Variants in SH3GL3 observed in about 807,000 individuals in gnomAD.
SH3GL3 encodes SH3 domain containing GRB2 like 3, endophilin A3, also known as endophilin-A3.
A neutral mutation model predicts 47.7 loss-of-function variants in SH3GL3; 33 were observed. The ratio of observed to expected loss-of-function variants is 0.69; its 90% CI spans 0.52 to 0.92. SH3GL3 has a LOEUF of 0.92. SH3GL3 is among the 40% of genes least tolerant of loss of function. SH3GL3 has a pLI of 0.00. For missense variants in SH3GL3, 363 were observed against 417.8 expected, an observed-to-expected ratio of 0.87 and a Z score of 1.14; for synonymous variants, 155 against 148.8, an observed-to-expected ratio of 1.04 and a Z score of -0.30.
intron 6 of SH3GL3, among the ~76,000 whole-genome samples, chr15:83,584,066 C>T (rs2059900182): frequency 1.3e-5 from 2 of 152,192 alleles, no homozygotes; most frequent in Admixed American, 1.3e-4. Flanking sequence ...TGTCTTCCAG[C>T]CTAGAGTCCT....
At chr15:83,532,034 A>T (rs1052952363) in intron 1 of SH3GL3, among the ~76,000 whole-genome samples, 11 of 152,174 alleles carry the variant, frequency 7.2e-5, no homozygotes, top group Non-Finnish European at 1.3e-4. Flanking sequence ...AAAACATCTG[A>T]ATTCTATATA....
intron 1 of SH3GL3, among the ~76,000 whole-genome samples, chr15:83,529,585 G>T (rs2043575781): frequency 6.6e-6 from 1 of 152,092 alleles, no homozygotes; most frequent in Admixed American, 6.5e-5. Context: ...GCCAGGCTAG[G>T]TGGTCCTGTC....
intron 1 of SH3GL3, among the ~76,000 whole-genome samples, chr15:83,475,311 C>A (rs1344383239): frequency 1.3e-5 from 2 of 151,820 alleles, no homozygotes; most frequent in Non-Finnish European, 2.9e-5. Flanking sequence ...AACCCTGTCT[C>A]TACTAAAAAT....
chr15:83,572,573 T>C lies in SH3GL3; in HGVS notation c.340T>C (p.Leu114=). 6.2e-7 allele frequency: 1 copy of C among 1,612,706 alleles called. No individual in the cohort carries two copies. Among genetic ancestry groups the C allele is most frequent in the Non-Finnish European group, 8.5e-7 (1 of 1,179,156 alleles). ...TATGTTTTCTATTCAAGGCAATGCA[T>C]TGATAGAAGTTGGTGAATCCATGAA... ...LGEDSTFGNA[L]IEVGESMKLM... The change falls in exon 5 of 9, where the codon TTG becomes CTG. Residue 114 remains leucine (L), a synonymous_variant. Coordinates refer to ENST00000427482, the MANE Select transcript of SH3GL3 (RefSeq NM_003027.5).
At chr15:83,506,096 T>C (rs1385322668) in intron 1 of SH3GL3, among the ~76,000 whole-genome samples, 1 of 152,234 alleles carries the variant, frequency 6.6e-6, no homozygotes, top group Non-Finnish European at 1.5e-5. Context: ...TAGGTTTTTT[T>C]CGTAGTTGAT....
At chr15:83,592,752 C>T (rs2060141073) in intron 8 of SH3GL3, among the ~76,000 whole-genome samples, 2 of 152,198 alleles carry the variant, frequency 1.3e-5, no homozygotes, top group Non-Finnish European at 2.9e-5. Context: ...CCTGCCTCCT[C>T]CACACTCTCT....
intron 1 of SH3GL3, among the ~76,000 whole-genome samples, chr15:83,459,506 A>T (rs1222248620): frequency 1.3e-5 from 2 of 152,212 alleles, no homozygotes; most frequent in East Asian, 3.9e-4. Context: ...TTCAGAATTT[A>T]GCCCTGGTTT....
intron 6 of SH3GL3, among the ~76,000 whole-genome samples, chr15:83,581,539 A>T (rs945125451): frequency 6.2e-4 from 94 of 152,292 alleles, no homozygotes; most frequent in African/African-American, 2.0e-3. Context: ...TCTTGTGGCC[A>T]CTTCACAAAC....
chr15:83,456,186 G>C lies in SH3GL3; in HGVS notation c.45+8608G>C, dbSNP rs1376860542. Among the ~76,000 whole-genome samples the C allele has an allele frequency of 1.1e-4, 6 of 56,648 alleles. 1 individual carries two copies. Among genetic ancestry groups the C allele is most frequent in the Non-Finnish European group, 2.1e-4 (6 of 27,948 alleles). The allele number at this position is 56,648 out of a possible 152,430, so 37.2% of individuals were successfully genotyped here. A position where few individuals can be genotyped will look rare whatever the true frequency, so the allele number is the denominator to read the frequency against. ...CCCGTTCTCAGATCTCCAGCTGCGT[G>C]CTGGGAGAACCACTGCTCTCTTCAA... On this transcript the variant is annotated intron_variant, in intron 1 of 8. Transcript: ENST00000427482.
intron 3 of SH3GL3, 92 bp downstream of exon 3, chr15:83,565,298 TGTC>T (rs2045481378): frequency 1.3e-6 from 1 of 781,166 alleles, no homozygotes; most frequent in Non-Finnish European, 2.3e-6. Context: ...GTAGAAACAA[TGTC>T]GTCTGTGTCC....
chr15:83,554,544 C>T (rs1274317556), intron 1 of SH3GL3, among the ~76,000 whole-genome samples: 1 of 152,138 alleles, frequency 6.6e-6, no homozygotes, highest in Non-Finnish European at 1.5e-5. Flanking sequence ...TGCGCCACCA[C>T]ACCCGGCTAA....
intron 1 of SH3GL3, among the ~76,000 whole-genome samples, chr15:83,486,590 G>T (rs1437010927): frequency 2.0e-5 from 3 of 151,998 alleles, no homozygotes; most frequent in Non-Finnish European, 4.4e-5. Context: ...CCTTTTCATG[G>T]CTGTATAATA....
Position 83,518,975 on chromosome 15 carries a change from CTGTAGG to C in SH3GL3, c.46-40274_46-40269del, listed in dbSNP as rs565215901. ...TCTGCATGTGGCTAGCCAGCTATCC[CTGTAGG>C]TGTGCAGCTTTATTTCTGGGTTGTC... On this transcript the variant is annotated intron_variant, in intron 1 of 8. Coordinates refer to ENST00000427482, the MANE Select transcript of SH3GL3 (RefSeq NM_003027.5). 4.5e-3 allele frequency among the ~76,000 whole-genome samples: 680 copies of C among 152,042 alleles called. 2 individuals are homozygous for C. Among genetic ancestry groups the C allele is most frequent in the Middle Eastern group, 0.014 (4 of 294 alleles).
At chr15:83,568,235 C>T (rs548425898) in intron 3 of SH3GL3, among the ~76,000 whole-genome samples, 2 of 152,204 alleles carry the variant, frequency 1.3e-5, no homozygotes, top group South Asian at 2.1e-4. Flanking sequence ...CTGCCGGCCT[C>T]GGCCTCCCAA....
the SH3GL3 span, among the ~76,000 whole-genome samples, chr15:83,627,254 G>A: frequency 6.6e-6 from 1 of 152,032 alleles, no homozygotes; most frequent in African/African-American, 2.4e-5. Context: ...AAAATTAGCT[G>A]GGCATGGTGG....
chr15:83,483,325 T>C (rs1027739696), intron 1 of SH3GL3, among the ~76,000 whole-genome samples: 4 of 152,224 alleles, frequency 2.6e-5, no homozygotes, highest in African/African-American at 9.7e-5. Flanking sequence ...GGAAATGTTC[T>C]TGGATCTGAG....
chr15:83,573,907 C>G (rs1385267385), intron 5 of SH3GL3, among the ~76,000 whole-genome samples: 1 of 152,168 alleles, frequency 6.6e-6, no homozygotes, highest in African/African-American at 2.4e-5. Flanking sequence ...TAAACAGATA[C>G]CATGCACTTT....
At chr15:83,557,432 C>T (rs2045019001) in intron 1 of SH3GL3, among the ~76,000 whole-genome samples, 1 of 152,182 alleles carries the variant, frequency 6.6e-6, no homozygotes, top group African/African-American at 2.4e-5. Context: ...CTGTACTCAG[C>T]CTGAAAAGTA....
chr15:83,607,877 A>AC (rs2060565104), intron 8 of SH3GL3, among the ~76,000 whole-genome samples: 3 of 149,658 alleles, frequency 2.0e-5, no homozygotes, highest in African/African-American at 7.3e-5. Flanking sequence ...TAATAATAAT[A>AC]ATACAAACAA....
Sources: allele counts gnomAD v4.1 joint callset (sites outside exome capture counted in the v4.1 genomes callset), GRCh38; gene constraint gnomAD v4.1.1; transcripts MANE v1.5; gene names NCBI Gene and HGNC (gene_info 2026-07-23, HGNC 2026-07-21).